ACO1: variants seen among roughly 807,000 people sequenced by gnomAD.
ACO1 encodes cytoplasmic aconitate hydratase.
In ACO1, 78 loss-of-function variants were observed where a neutral mutation model predicts 105.1. The observed-to-expected ratio is 0.74, with a 90% CI of 0.62 to 0.90. The LOEUF (loss-of-function observed/expected upper bound fraction) is 0.90, where lower values mean the gene tolerates loss of function less well. Ranked by LOEUF, ACO1 falls within the 40% of genes least tolerant of loss-of-function variation. The pLI is 0.00. For missense variants in ACO1, 965 were observed against 1,111.1 expected (o/e 0.87, Z 1.87); for synonymous variants, 364 against 397.4 (o/e 0.92, Z 1.00).
chr9:32,413,747 G>A (rs569021807), intron 4 of ACO1, among the ~76,000 whole-genome samples: 61 of 152,216 alleles, frequency 4.0e-4, no homozygotes, highest in Non-Finnish European at 7.6e-4. Context: ...TGCCTAGTTT[G>A]AATAATACTA....
At chr9:32,416,646 A>C (rs1020661200) in intron 4 of ACO1, among the ~76,000 whole-genome samples, 62 of 152,262 alleles carry the variant, frequency 4.1e-4, no homozygotes, top group African/African-American at 1.5e-3. Flanking sequence ...TCAGAGTGCC[A>C]GTGGGCAGTG....
In ACO1 at chr9:32,448,937, C is replaced by T; in HGVS notation, c.2412C>T (p.His804=). ...TGGCCGAGAGCTACGAGCGCATTCA[C>T]CGCAGTAACCTGGTTGGGATGGGTG... is the stretch of plus-strand genomic sequence containing the variant. The part of the protein sequence containing the change: ...AVLAESYERI[H]RSNLVGMGVI... Residue 804 remains histidine (H), a synonymous_variant, in exon 20 of 21, where the codon CAC becomes CAT. Coordinates refer to ENST00000309951, the MANE Select transcript of ACO1 (RefSeq NM_002197.3). 6.2e-7 allele frequency: 1 copy of T among 1,614,236 alleles called. No individual in the cohort carries two copies. Among genetic ancestry groups the T allele is most frequent in the Non-Finnish European group, 8.5e-7 (1 of 1,180,048 alleles).
intron 1 of ACO1, among the ~76,000 whole-genome samples, chr9:32,397,459 C>T (rs1821396468): frequency 6.6e-6 from 1 of 152,218 alleles, no homozygotes; most frequent in South Asian, 2.1e-4. Context: ...ATGTTTCTAG[C>T]TCTCTTATGA....
At chr9:32,430,698 T>TAAAGA in intron 14 of ACO1, 124 bp downstream of exon 14, 1 of 1,081,838 alleles carries the variant, frequency 9.2e-7, no homozygotes, top group Non-Finnish European at 1.3e-6. Context: ...AAGAAGAGAA[T>TAAAGA]AATTTCTTTA....
chr9:32,447,320 T>G (rs1434130419), intron 19 of ACO1, among the ~76,000 whole-genome samples: 1 of 152,240 alleles, frequency 6.6e-6, no homozygotes. Context: ...TGAGTTGATC[T>G]TCAATCTCTG....
chr9:32,436,441 G>C, intron 18 of ACO1, 44 bp downstream of exon 18: 1 of 1,602,578 alleles, frequency 6.2e-7, no homozygotes, highest in East Asian at 2.2e-5. Context: ...GCATTTGTCA[G>C]CCTTGGTGGA....
intron 1 of ACO1, among the ~76,000 whole-genome samples, chr9:32,387,948 G>C (rs1314933477): frequency 1.3e-5 from 2 of 152,190 alleles, no homozygotes; most frequent in Non-Finnish European, 2.9e-5. Flanking sequence ...CCAGAAACTT[G>C]AGTCTCCAAG....
At chr9:32,416,217 C>T (rs1460168482) in intron 4 of ACO1, among the ~76,000 whole-genome samples, 3 of 151,762 alleles carry the variant, frequency 2.0e-5, no homozygotes, top group Non-Finnish European at 4.4e-5. Context: ...GCCTCAGCCT[C>T]TCGAGTAGCT....
At chr9:32,394,511 C>T (rs1276022005) in intron 1 of ACO1, among the ~76,000 whole-genome samples, 1 of 149,642 alleles carries the variant, frequency 6.7e-6, no homozygotes, top group Non-Finnish European at 1.5e-5. Flanking sequence ...CCAGAAGTAT[C>T]AAGGTCTAAT....
chr9:32,390,202 T>C (rs573996407), intron 1 of ACO1, among the ~76,000 whole-genome samples: 1 of 152,338 alleles, frequency 6.6e-6, no homozygotes, highest in South Asian at 2.1e-4. Context: ...ATTAGGTCTT[T>C]TAGGAATAAG....
intron 9 of ACO1, among the ~76,000 whole-genome samples, chr9:32,423,731 C>G (rs780700486): frequency 2.0e-5 from 3 of 152,088 alleles, no homozygotes; most frequent in Admixed American, 6.6e-5. Flanking sequence ...AAGAATGATA[C>G]AATGGACTTT....
At chr9:32,402,281 A>G (rs1339577623) in intron 1 of ACO1, among the ~76,000 whole-genome samples, 1 of 152,070 alleles carries the variant, frequency 6.6e-6, no homozygotes, top group African/African-American at 2.4e-5. Flanking sequence ...GCAACCCCAA[A>G]TAGTGTGATA....
chr9:32,433,923 C>A, intron 16 of ACO1, 91 bp downstream of exon 16: 2 of 1,058,058 alleles, frequency 1.9e-6, no homozygotes, highest in Non-Finnish European at 2.7e-6. Context: ...CTTGCTTTGA[C>A]TACCCATTTT....
chr9:32,449,202 A>T, intron 20 of ACO1, 121 bp downstream of exon 20: 1 of 942,632 alleles, frequency 1.1e-6, no homozygotes, highest in Non-Finnish European at 1.5e-6. Flanking sequence ...GGAGGACTGC[A>T]TTAGACTTAG....
chr9:32,445,430 T>G lies in ACO1; in HGVS notation c.2371-3466T>G, dbSNP rs938861536. The G allele has an allele frequency of 1.8e-5, 3 of 162,894 alleles. No individual in the cohort carries two copies. The South Asian group carries it at 3.8e-4, about 21-fold the overall frequency. 10.1% of individuals were successfully genotyped at this position (162,894 alleles called of 1,614,324 possible). A position where few individuals can be genotyped will look rare whatever the true frequency, so the allele number is the denominator to read the frequency against. On this transcript the variant is annotated intron_variant, in intron 19 of 20. Transcript: ENST00000309951. ...TGTTTATAGTATTATCTGATGGTAT[T>G]TTGTATTTCCGGGGGATCACTGGTG...
chr9:32,392,595 C>A (rs1821288608), intron 1 of ACO1, among the ~76,000 whole-genome samples: 2 of 152,180 alleles, frequency 1.3e-5, no homozygotes, highest in South Asian at 2.1e-4. Flanking sequence ...TATCCCAGAT[C>A]CACCGTGTCT....
At chr9:32,412,275 G>A (rs1323596232) in intron 4 of ACO1, among the ~76,000 whole-genome samples, 1 of 152,174 alleles carries the variant, frequency 6.6e-6, no homozygotes, top group Non-Finnish European at 1.5e-5. Context: ...CATTGCATAT[G>A]TAGAGTGACA....
At chr9:32,396,695 C>G (rs1054516364) in intron 1 of ACO1, among the ~76,000 whole-genome samples, 3 of 152,130 alleles carry the variant, frequency 2.0e-5, no homozygotes, top group African/African-American at 7.2e-5. Context: ...ATCTGATACT[C>G]TGTTTGTATA....
chr9:32,437,894 A>G (rs1822398771), intron 18 of ACO1, among the ~76,000 whole-genome samples: 1 of 152,156 alleles, frequency 6.6e-6, no homozygotes, highest in Non-Finnish European at 1.5e-5. Flanking sequence ...AAATGTAAGA[A>G]CTGAACTCAG....
Sources: gnomAD v4.1 joint callset for allele counts (sites outside exome capture counted in the v4.1 genomes callset) on GRCh38, gnomAD v4.1.1 for gene constraint, MANE v1.5 for transcripts, NCBI Gene and HGNC (gene_info 2026-07-23, HGNC 2026-07-21) for gene names.